ARHGAP35: variants seen among roughly 807,000 people sequenced by gnomAD.
The protein encoded by ARHGAP35 is rho GTPase-activating protein 35.
A neutral mutation model predicts 111.1 loss-of-function variants in ARHGAP35; 15 were observed. That is an observed-to-expected ratio of 0.13 (90% confidence interval 0.09 to 0.21). The LOEUF (loss-of-function observed/expected upper bound fraction) is 0.21, where lower values mean the gene tolerates loss of function less well. ARHGAP35 is among the 10% of genes least tolerant of loss of function. The probability of loss-of-function intolerance (pLI) is 1.00; values close to 1 mark genes in which losing one functional copy is unlikely to be tolerated. For synonymous variants in ARHGAP35, 643 were observed against 710.3 expected (o/e 0.91, Z 1.51); for missense variants, 1,262 against 1,873.0 (o/e 0.67, Z 6.02).
intron 3 of ARHGAP35, among the ~76,000 whole-genome samples, chr19:46,968,086 T>G (rs1474908874): frequency 2.0e-5 from 3 of 152,216 alleles, no homozygotes; most frequent in Admixed American, 2.0e-4. Context: ...TACAGGGCTC[T>G]AGTAAATGAT....
intron 1 of ARHGAP35, among the ~76,000 whole-genome samples, chr19:46,917,902 C>A (rs1373122020): frequency 1.3e-5 from 2 of 152,124 alleles, no homozygotes; most frequent in South Asian, 2.1e-4. Context: ...TTAGTACAGA[C>A]GGGGTTTCAC....
intron 5 of ARHGAP35, among the ~76,000 whole-genome samples, chr19:46,998,743 G>A (rs551240111): frequency 6.6e-6 from 1 of 152,228 alleles, no homozygotes; most frequent in Admixed American, 6.5e-5. Flanking sequence ...GGGGGAAAAG[G>A]GGGTGCGTAG....
chr19:46,882,239 TCCCCCCACCTCAAC>T (rs1026388582), intron 1 of ARHGAP35, among the ~76,000 whole-genome samples: 5 of 148,516 alleles, frequency 3.4e-5, no homozygotes, highest in African/African-American at 1.2e-4. Flanking sequence ...CCTCAAGCAG[TCCCCCCACCTCAAC>T]CCCCCCAGGT....
chr19:46,914,946 T>G (rs2056155865), intron 1 of ARHGAP35, among the ~76,000 whole-genome samples: 1 of 152,178 alleles, frequency 6.6e-6, no homozygotes, highest in Middle Eastern at 3.2e-3. Flanking sequence ...AAGTTGCATT[T>G]CAAGATTGGT....
intron 3 of ARHGAP35, among the ~76,000 whole-genome samples, chr19:46,965,764 C>T (rs1251158563): frequency 2.0e-5 from 3 of 152,206 alleles, no homozygotes; most frequent in Non-Finnish European, 2.9e-5. Flanking sequence ...GGATTACAGG[C>T]GTGAACTGCT....
At chr19:46,862,096 C>T (rs998985824) in intron 1 of ARHGAP35, among the ~76,000 whole-genome samples, 2 of 152,122 alleles carry the variant, frequency 1.3e-5, no homozygotes, top group African/African-American at 4.8e-5. Context: ...ACCCTTTCCT[C>T]TCTTCCAGAC....
At chr19:46,996,110 T>G (rs1290101947) in intron 5 of ARHGAP35, among the ~76,000 whole-genome samples, 1 of 152,126 alleles carries the variant, frequency 6.6e-6, no homozygotes, top group African/African-American at 2.4e-5. Flanking sequence ...TAAATTTATT[T>G]TTTTTCTTTT....
At chr19:46,965,228 G>T (rs915700561) in intron 3 of ARHGAP35, among the ~76,000 whole-genome samples, 1 of 152,148 alleles carries the variant, frequency 6.6e-6, no homozygotes, top group African/African-American at 2.4e-5. Flanking sequence ...CAGGAGAATC[G>T]CTGGAACCCA....
chr19:46,973,604 T>C (rs1309349690), intron 3 of ARHGAP35, among the ~76,000 whole-genome samples: 9 of 151,462 alleles, frequency 5.9e-5, no homozygotes, highest in Non-Finnish European at 2.9e-5. Flanking sequence ...GGCAGGAGAA[T>C]GGCGTGAACC....
rs578135157 is a variant in ARHGAP35, at chr19:46,972,228, C to A, written c.3827-15761C>A. On this transcript the variant is annotated intron_variant, in intron 3 of 6. Transcript: ENST00000672722. ...GTTTCGCCATGTTGGCCAGGCTGGT[C>A]TCAAAATCCTGACCTCAGGTGATCA... Among the ~76,000 whole-genome samples, 3 of 152,128 alleles carry A rather than the reference C, an allele frequency of 2.0e-5. No homozygotes were observed. The East Asian group carries it at 5.9e-4, about 30-fold the overall frequency.
chr19:46,940,616 T>C (rs1388408995), intron 3 of ARHGAP35, among the ~76,000 whole-genome samples: 1 of 151,862 alleles, frequency 6.6e-6, no homozygotes, highest in Non-Finnish European at 1.5e-5. Context: ...TTTTTTTTTT[T>C]TTTTAATTTT....
rs2122336803 is a variant in ARHGAP35 at position 46,988,004 on chromosome 19, G to T, written c.3842G>T (p.Gly1281Val). Residue 1281 changes from glycine (G) to valine (V), a missense_variant, in exon 4 of 7, where the codon GGC (glycine) becomes GTC (valine). Physicochemically the swap from Gly to Val is moderately radical, Grantham distance 109. Around this residue, in one of 8 missense-constraint regions of ARHGAP35, gnomAD observed 45 missense variants for 118.2 expected, o/e 0.38. Coordinates refer to ENST00000672722, the MANE Select transcript of ARHGAP35 (RefSeq NM_004491.5). This position sits in a 1 kb window ranked among gnomAD's most constrained non-coding sequence, Gnocchi z 5.4. ...TTCTCCTCAGGACTGAGCACGGAAG[G>T]CATCTACCGGGTCAGCGGGAACAAG... ...YIEATGLSTE[G>V]IYRVSGNKSE... 1 of 1,613,892 alleles carries T rather than the reference G, an allele frequency of 6.2e-7. No individual in the cohort carries two copies. Among genetic ancestry groups the T allele is most frequent in the East Asian group, 2.2e-5 (1 of 44,880 alleles).
intron 1 of ARHGAP35, among the ~76,000 whole-genome samples, chr19:46,879,174 G>A (rs1568459365): frequency 6.6e-6 from 1 of 152,086 alleles, no homozygotes; most frequent in Non-Finnish European, 1.5e-5. Context: ...ATTGCTGGGC[G>A]GGCCAGGCAC....
rs181804286 is a variant in ARHGAP35, at chr19:46,979,779, T to C, written c.3827-8210T>C. Reference sequence around the variant, plus strand: ...CCAGTCAAGTCATCGTAATAGAGTGTTAGTGGCCTTCTATCATGGGGGGAA... The same window carrying C: ...CCAGTCAAGTCATCGTAATAGAGTGCTAGTGGCCTTCTATCATGGGGGGAA... On this transcript the variant is annotated intron_variant, in intron 3 of 6. Coordinates refer to ENST00000672722, the MANE Select transcript of ARHGAP35 (RefSeq NM_004491.5). Among the ~76,000 whole-genome samples, 552 of 152,224 alleles carry C rather than the reference T, an allele frequency of 3.6e-3. 7 individuals carry two copies. The highest frequency in any genetic ancestry group is 0.013 in the African/African-American group (528 of 41,526).
chr19:46,863,152 A>G (rs1408406151), intron 1 of ARHGAP35, among the ~76,000 whole-genome samples: 4 of 143,264 alleles, frequency 2.8e-5, no homozygotes, highest in Non-Finnish European at 6.1e-5. Context: ...CCCGTGGCCC[A>G]CCCATTCCCC....
Position 46,920,377 on chromosome 19 carries a change from G to A in ARHGAP35, c.1702G>A (p.Ala568Thr), listed in dbSNP as rs2056191266. ...CCCCAGCTGCCCAGCTTGTGTGGACGCTAAGATTGAGCACTTGATTAGTTC... is the reference window on the plus strand; with the variant it reads ...CCCCAGCTGCCCAGCTTGTGTGGACACTAAGATTGAGCACTTGATTAGTTC... ...TCPSCPACVD[A>T]KIEHLISSRF... The change falls in exon 2 of 7, where the codon GCT becomes ACT. Residue 568 changes from alanine to threonine, a missense_variant. Coordinates refer to ENST00000672722, the MANE Select transcript of ARHGAP35 (RefSeq NM_004491.5). This position sits in a 1 kb window ranked among gnomAD's most constrained non-coding sequence, Gnocchi z 7.0. 5.0e-6 allele frequency: 8 copies of A among 1,613,980 alleles called. No individual in the cohort carries two copies. Among genetic ancestry groups the A allele is most frequent in the Non-Finnish European group, 6.8e-6 (8 of 1,179,882 alleles).
In ARHGAP35 at chr19:46,986,235, A is replaced by T. The variant is rs977626915; in HGVS notation, c.3827-1754A>T. ...GCTCACAGTGGACTTCGTTCCCAGGACAGGGTGAGTGGACTCAGTAGACAG... is the reference window on the plus strand; with the variant it reads ...GCTCACAGTGGACTTCGTTCCCAGGTCAGGGTGAGTGGACTCAGTAGACAG... On this transcript the variant is annotated intron_variant, in intron 3 of 6. Coordinates refer to ENST00000672722, the MANE Select transcript of ARHGAP35 (RefSeq NM_004491.5). The surrounding 1 kb of genome is among the most constrained non-coding windows in gnomAD (Gnocchi z 4.3). 2.0e-5 allele frequency among the ~76,000 whole-genome samples: 3 copies of T among 152,210 alleles called. No homozygotes were observed. The highest frequency in any genetic ancestry group is 7.2e-5 in the African/African-American group (3 of 41,444).
intron 3 of ARHGAP35, among the ~76,000 whole-genome samples, chr19:46,984,018 T>C (rs2056635772): frequency 6.6e-6 from 1 of 152,224 alleles, no homozygotes; most frequent in South Asian, 2.1e-4. Flanking sequence ...ATCTTGGCTG[T>C]TCTGAGCTTT....
intron 1 of ARHGAP35, among the ~76,000 whole-genome samples, chr19:46,872,927 A>G (rs951574162): frequency 6.6e-6 from 1 of 152,156 alleles, no homozygotes; most frequent in Non-Finnish European, 1.5e-5. Context: ...AAATAATAAC[A>G]ATGAACTGTT....
Sources: gnomAD v4.1 joint callset for allele counts (sites outside exome capture counted in the v4.1 genomes callset) on GRCh38, gnomAD v4.1.1 for gene constraint, gnomAD v4.1.1 regional missense constraint, Gnocchi (gnomAD v3.1) non-coding constraint, MANE v1.5 for transcripts, NCBI Gene and HGNC (gene_info 2026-07-23, HGNC 2026-07-21) for gene names.